Variants in NBAS observed in about 807,000 individuals in gnomAD.
The protein encoded by NBAS is NAG/BC035112 fusion.
NBAS carries 219 observed loss-of-function variants against 302.5 expected under a neutral mutation model. That is an observed-to-expected ratio of 0.72 (90% CI 0.65 to 0.81). The LOEUF (loss-of-function observed/expected upper bound fraction) is 0.81, where lower values mean the gene tolerates loss of function less well. Among genes scored for constraint, NBAS ranks in the 30% least tolerant of loss-of-function variants. NBAS has a pLI of 0.00. For missense variants in NBAS, 2,932 were observed against 2,841.6 expected (o/e 1.03, Z -0.72); for synonymous variants, 1,118 against 1,021.6 (o/e 1.09, Z -1.80).
At chr2:15,095,343 G>A in the NBAS span, among the ~76,000 whole-genome samples, 3 of 152,178 alleles carry the variant, frequency 2.0e-5, no homozygotes, top group East Asian at 5.8e-4. Context: ...AATCATGGTG[G>A]AAGGAGAAAG....
intron 8 of NBAS, among the ~76,000 whole-genome samples, chr2:15,535,235 T>C (rs968370970): frequency 2.0e-5 from 3 of 152,108 alleles, no homozygotes; most frequent in Admixed American, 6.5e-5. Context: ...TAAAATGGCA[T>C]AGTAGGCCAG....
At chr2:15,461,372 A>C in intron 20 of NBAS, 35 bp from the exon 21 acceptor site, 1 of 1,599,318 alleles carries the variant, frequency 6.3e-7, no homozygotes, top group Non-Finnish European at 8.6e-7. Context: ...TTCTAATGTA[A>C]ATCTAAGAAA....
Position 15,451,456 on chromosome 2 carries a change from C to G in NBAS, c.2339+9745G>C, listed in dbSNP as rs541893753. 3.6e-3 allele frequency among the ~76,000 whole-genome samples: 542 copies of G among 152,184 alleles called. 2 individuals carry two copies. The highest frequency in any genetic ancestry group is 0.017 in the Middle Eastern group (5 of 292). Reference sequence around the variant, plus strand: ...GAAAATCATAAACTAATATAATCATCAAAATATCATCAACTTAAGGCCTAC... The same window carrying G: ...GAAAATCATAAACTAATATAATCATGAAAATATCATCAACTTAAGGCCTAC... On this transcript the variant is annotated intron_variant, in intron 21 of 51. Transcript: ENST00000281513.
intron 40 of NBAS, among the ~76,000 whole-genome samples, chr2:15,305,600 C>T (rs1394686889): frequency 1.3e-5 from 2 of 151,866 alleles, no homozygotes; most frequent in East Asian, 1.9e-4. Flanking sequence ...TACAGGTGCC[C>T]GCCACCATGC....
At chr2:15,523,169 T>C (rs1011388926) in intron 9 of NBAS, among the ~76,000 whole-genome samples, 4 of 152,130 alleles carry the variant, frequency 2.6e-5, no homozygotes, top group African/African-American at 9.7e-5. Context: ...TTATTCAAGG[T>C]TTACAGTACT....
chr2:14,800,177 T>A, the NBAS span, among the ~76,000 whole-genome samples: 1 of 152,242 alleles, frequency 6.6e-6, no homozygotes, highest in Non-Finnish European at 1.5e-5. Flanking sequence ...TTTGATTCCA[T>A]GCCGATAAGG....
At chr2:14,950,632 GTGAGGACAATACAGCA>G in the NBAS span, among the ~76,000 whole-genome samples, 110 of 152,266 alleles carry the variant, frequency 7.2e-4, no homozygotes, top group African/African-American at 2.6e-3. Flanking sequence ...CAGGTAACAG[GTGAGGACAATACAGCA>G]TGATAGGCCC....
the NBAS span, among the ~76,000 whole-genome samples, chr2:15,057,922 T>A: frequency 3.3e-5 from 5 of 152,204 alleles, no homozygotes; most frequent in Non-Finnish European, 5.9e-5. Context: ...AGAATGGCCA[T>A]AATCAAATTA....
chr2:15,136,900 C>T, the NBAS span, among the ~76,000 whole-genome samples: 1 of 152,212 alleles, frequency 6.6e-6, no homozygotes, highest in Non-Finnish European at 1.5e-5. Context: ...CTTGCTTCCC[C>T]TTCACCTTCT....
At chr2:15,149,642 T>C in the NBAS span, among the ~76,000 whole-genome samples, 1 of 152,154 alleles carries the variant, frequency 6.6e-6, no homozygotes, top group East Asian at 1.9e-4. Flanking sequence ...TGTGCCACCA[T>C]GCCTGGCTAA....
At chr2:14,910,321 C>A in the NBAS span, among the ~76,000 whole-genome samples, 1 of 152,178 alleles carries the variant, frequency 6.6e-6, no homozygotes, top group African/African-American at 2.4e-5. Context: ...AAACATAATT[C>A]AAATCCAGCT....
At chr2:15,352,187 CT>C in intron 34 of NBAS, 106 bp from the exon 35 acceptor site, 1 of 777,822 alleles carries the variant, frequency 1.3e-6, no homozygotes, top group East Asian at 2.7e-5. Context: ...AGAAAATTAC[CT>C]TTTCATAATG....
At chr2:15,058,952 G>A in the NBAS span, among the ~76,000 whole-genome samples, 9 of 152,252 alleles carry the variant, frequency 5.9e-5, no homozygotes, top group East Asian at 1.7e-3. Context: ...CAGAGGCCTT[G>A]CTACAAACAC....
chr2:15,439,445 C>A (rs1334359916), intron 21 of NBAS, among the ~76,000 whole-genome samples: 1 of 151,738 alleles, frequency 6.6e-6, no homozygotes, highest in Admixed American at 6.6e-5. Flanking sequence ...TTAACTGCAC[C>A]CCAGAAAAAA....
rs747110409 is a variant in NBAS at position 15,186,822 on chromosome 2, C to A, written c.6631G>T (p.Glu2211Ter). ...ATVMLTRCTM[E>*]NKEGLGNEVL... ...TCATTCCCCAATCCTTCCTTGTTCT[C>A]CATCGTACATCTGGTTAGCATCACT... Residue 2211 changes from glutamate (E) to a stop codon, truncating the protein, a stop_gained, in exon 50 of 52, where the codon GAG becomes TAG. Coordinates refer to ENST00000281513, the MANE Select transcript of NBAS (RefSeq NM_015909.4). LOFTEE classifies it high-confidence loss of function. The A allele has an allele frequency of 6.2e-7, 1 of 1,613,902 alleles. No homozygotes were observed. The highest frequency in any genetic ancestry group is 8.5e-7 in the Non-Finnish European group (1 of 1,179,972).
intron 11 of NBAS, among the ~76,000 whole-genome samples, chr2:15,491,125 T>A (rs1680838087): frequency 6.6e-6 from 1 of 152,176 alleles, no homozygotes; most frequent in Admixed American, 6.5e-5. Flanking sequence ...ACAGAATAAG[T>A]CATGTTAGCA....
chr2:15,143,663 T>C, the NBAS span, among the ~76,000 whole-genome samples: 1 of 152,098 alleles, frequency 6.6e-6, no homozygotes, highest in African/African-American at 2.4e-5. Flanking sequence ...TGGTTAATAA[T>C]GAGTGTCAAC....
At chr2:15,041,078 C>T in the NBAS span, among the ~76,000 whole-genome samples, 27 of 152,204 alleles carry the variant, frequency 1.8e-4, no homozygotes, top group Admixed American at 1.7e-3. Flanking sequence ...TCAATAGGAG[C>T]TCCCCTTTGC....
intron 31 of NBAS, among the ~76,000 whole-genome samples, chr2:15,367,387 T>C (rs1191526331): frequency 6.6e-6 from 1 of 152,120 alleles, no homozygotes; most frequent in Admixed American, 6.6e-5. Context: ...CCAGGGAGGC[T>C]GGCCCCCAAT....
Sources: allele counts gnomAD v4.1 joint callset (sites outside exome capture counted in the v4.1 genomes callset), GRCh38; gene constraint gnomAD v4.1.1; transcripts MANE v1.5; gene names NCBI Gene and HGNC (gene_info 2026-07-23, HGNC 2026-07-21).